The following GARNL3 variants were observed in gnomAD, a reference collection of about 807,000 sequenced individuals.
GARNL3 encodes the protein GTPase activating Rap/RanGAP domain like 3.
A neutral mutation model predicts 125.0 loss-of-function variants in GARNL3; 63 were observed. The ratio of observed to expected loss-of-function variants is 0.50; its 90% CI spans 0.41 to 0.62. The LOEUF (loss-of-function observed/expected upper bound fraction) is 0.62, where lower values mean the gene tolerates loss of function less well. Among genes scored for constraint, GARNL3 ranks in the 20% least tolerant of loss-of-function variants. GARNL3 has a pLI of 0.00. For missense variants in GARNL3, 994 were observed against 1,244.0 expected (o/e 0.80, Z 3.02); for synonymous variants, 439 against 457.5 (o/e 0.96, Z 0.52).
At chr9:127,231,077 CAG>C (rs1240269196) in intron 1 of GARNL3, among the ~76,000 whole-genome samples, 3 of 68,222 alleles carry the variant, frequency 4.4e-5, no homozygotes, top group African/African-American at 1.4e-4. Flanking sequence ...TTTTTTGAGA[CAG>C]AGTCTAGCTT....
At chr9:127,348,609 G>C (rs958874863) in intron 16 of GARNL3, among the ~76,000 whole-genome samples, 5 of 152,170 alleles carry the variant, frequency 3.3e-5, no homozygotes, top group African/African-American at 1.2e-4. Context: ...CCAACTCCCA[G>C]GTGTTAAAGC....
At chr9:127,274,242 G>C (rs1028008430) in intron 1 of GARNL3, among the ~76,000 whole-genome samples, 36 of 152,220 alleles carry the variant, frequency 2.4e-4, no homozygotes, top group African/African-American at 8.7e-4. Flanking sequence ...AAAACTTGGG[G>C]AGAATTAACA....
chr9:127,342,680 C>A (rs1462782379), intron 14 of GARNL3, among the ~76,000 whole-genome samples: 1 of 151,958 alleles, frequency 6.6e-6, no homozygotes, highest in Non-Finnish European at 1.5e-5. Flanking sequence ...CTCAGCATTG[C>A]CAGTCACATG....
intron 2 of GARNL3, among the ~76,000 whole-genome samples, chr9:127,252,334 C>T (rs1588689816): frequency 6.6e-6 from 1 of 152,296 alleles, no homozygotes; most frequent in East Asian, 1.9e-4. Flanking sequence ...TCTGGCTTGC[C>T]CCTAGCCATC....
Position 127,339,236 on chromosome 9 carries a change from G to T in GARNL3, c.1029-409G>T, listed in dbSNP as rs1829725810. Among the ~76,000 whole-genome samples the T allele has an allele frequency of 2.0e-5, 3 of 151,564 alleles. No homozygotes were observed. The South Asian group carries it at 6.2e-4, about 32-fold the overall frequency. On this transcript the variant is annotated intron_variant, in intron 12 of 27. Coordinates refer to ENST00000373387, the MANE Select transcript of GARNL3 (RefSeq NM_032293.5). ...GGTGTGAACCCGGGAGGCGGAGCTT[G>T]CAGTGAGCCCAGATCGCACCACTGC...
intron 4 of GARNL3, among the ~76,000 whole-genome samples, chr9:127,317,550 C>T (rs188631270): frequency 4.3e-4 from 65 of 152,146 alleles, no homozygotes; most frequent in Non-Finnish European, 6.9e-4. Context: ...CATGGCAAAA[C>T]CCCATCTCTA....
In GARNL3 at chr9:127,357,388, G is replaced by A. The variant is rs748020455; in HGVS notation, c.2094+11G>A. On this transcript the variant is annotated intron_variant, in intron 21 of 27. Coordinates refer to ENST00000373387, the MANE Select transcript of GARNL3 (RefSeq NM_032293.5). ...GTGGAGGCCAACAGGGTAAGCCAGC[G>A]GTTGTGGGGACAAGTGAGAATCAGA... The A allele has an allele frequency of 8.1e-6, 13 of 1,612,540 alleles. No homozygotes were observed. Among genetic ancestry groups the A allele is most frequent in the Admixed American group, 3.3e-5 (2 of 59,950 alleles).
chr9:127,254,817 C>A (rs1588693588), intron 2 of GARNL3, among the ~76,000 whole-genome samples: 1 of 146,112 alleles, frequency 6.8e-6, no homozygotes, highest in Non-Finnish European at 1.5e-5. Context: ...CAATAACATA[C>A]AAAAAAGGAG....
intron 2 of GARNL3, among the ~76,000 whole-genome samples, chr9:127,291,687 C>G (rs1010560310): frequency 6.7e-6 from 1 of 148,644 alleles, no homozygotes; most frequent in Non-Finnish European, 1.5e-5. Flanking sequence ...TCTGGGCTCT[C>G]TGGGTCTTCC....
chr9:127,336,308 T>C (rs777627595), intron 11 of GARNL3, 72 bp downstream of exon 11: 112 of 989,786 alleles, frequency 1.1e-4, no homozygotes, highest in Non-Finnish European at 1.6e-4. Flanking sequence ...CCATGACCCT[T>C]AAACCAAATC....
At chr9:127,327,066 A>G (rs932646761) in intron 7 of GARNL3, among the ~76,000 whole-genome samples, 2 of 152,250 alleles carry the variant, frequency 1.3e-5, no homozygotes, top group Non-Finnish European at 2.9e-5. Flanking sequence ...TTTACTGAAA[A>G]AAGCAACTCA....
rs779889533 is a variant in GARNL3 at position 127,313,428 on chromosome 9, C to T, written c.320-13C>T. 124 of 1,587,654 alleles carry T rather than the reference C, an allele frequency of 7.8e-5. No individual in the cohort carries two copies. Among genetic ancestry groups the T allele is most frequent in the Non-Finnish European group, 1.1e-4 (122 of 1,156,048 alleles). ...CAGTTGCATTCTCACTGTTCTAAACCTTTCTTTTCCAGTCCATCAGAACTA... is the reference window on the plus strand; with the variant it reads ...CAGTTGCATTCTCACTGTTCTAAACTTTTCTTTTCCAGTCCATCAGAACTA... On this transcript the variant is annotated splice_polypyrimidine_tract_variant and intron_variant, in intron 3 of 27. Transcript: ENST00000373387.
chr9:127,386,263 A>G (rs1206367892), intron 24 of GARNL3, among the ~76,000 whole-genome samples: 1 of 152,234 alleles, frequency 6.6e-6, no homozygotes, highest in Non-Finnish European at 1.5e-5. Flanking sequence ...CATACAACTC[A>G]TAGTCATTAA....
At chr9:127,240,416 C>T (rs961940122) in intron 1 of GARNL3, among the ~76,000 whole-genome samples, 1 of 152,154 alleles carries the variant, frequency 6.6e-6, no homozygotes, top group Non-Finnish European at 1.5e-5. Context: ...TTCACTTGGG[C>T]CTTTACATCA....
chr9:127,345,195 G>A (rs1325473972), intron 15 of GARNL3, among the ~76,000 whole-genome samples: 1 of 152,122 alleles, frequency 6.6e-6, no homozygotes, highest in Non-Finnish European at 1.5e-5. Flanking sequence ...ATGATAAAAT[G>A]CATTTGGATA....
Position 127,344,308 on chromosome 9 carries a change from C to A in GARNL3, c.1325C>A (p.Ala442Asp), listed in dbSNP as rs531814123. The A allele has an allele frequency of 1.2e-6, 2 of 1,613,724 alleles. No individual in the cohort carries two copies. Among genetic ancestry groups the A allele is most frequent in the East Asian group, 2.2e-5 (1 of 44,878 alleles). The change falls in exon 15 of 28, where the codon GCC becomes GAC. Residue 442 changes from alanine to aspartate, a missense_variant. By Grantham distance (126) the Ala-to-Asp change is moderately radical. Around this residue, in one of 5 missense-constraint regions of GARNL3, gnomAD observed 728 missense variants for 865.7 expected, o/e 0.84. Transcript: ENST00000373387. ...AAGTCAGCGCGGAAGAAAGAGGAGG[C>A]CCGCCAGGCGGAGTTTGTTAGAATA... ...SPKSARKKEE[A>D]RQAEFVRIGQ...
chr9:127,342,121 C>A, intron 13 of GARNL3, 98 bp from the exon 14 acceptor site: 1 of 831,098 alleles, frequency 1.2e-6, no homozygotes, highest in South Asian at 1.6e-5. Context: ...TTCCTAGATT[C>A]ACAGAACTAA....
intron 2 of GARNL3, among the ~76,000 whole-genome samples, chr9:127,243,567 G>C (rs935174196): frequency 6.6e-6 from 1 of 152,174 alleles, no homozygotes; most frequent in African/African-American, 2.4e-5. Flanking sequence ...CTAGCAATTT[G>C]TAATAAGCTC....
At chr9:127,390,508 T>C (rs943148706) in intron 26 of GARNL3, 133 bp from the exon 27 acceptor site, 29 of 813,136 alleles carry the variant, frequency 3.6e-5, no homozygotes, top group Non-Finnish European at 5.3e-5. Flanking sequence ...TTTGAAAATA[T>C]ATATTCTATC....
Sources: gnomAD v4.1 joint callset for allele counts (sites outside exome capture counted in the v4.1 genomes callset) on GRCh38, gnomAD v4.1.1 for gene constraint, gnomAD v4.1.1 regional missense constraint, MANE v1.5 for transcripts, NCBI Gene and HGNC (gene_info 2026-07-23, HGNC 2026-07-21) for gene names.